TNRC18: variants seen among roughly 807,000 people sequenced by gnomAD.
TNRC18 encodes trinucleotide repeat-containing gene 18 protein.
A neutral mutation model predicts 226.7 loss-of-function variants in TNRC18; 69 were observed. That is an observed-to-expected ratio of 0.30 (90% CI 0.25 to 0.37). TNRC18 has a LOEUF of 0.37. TNRC18 is among the 10% of genes least tolerant of loss of function. The pLI is 1.00. For missense variants in TNRC18, 4,754 were observed against 4,256.6 expected (o/e 1.12, Z -3.25); for synonymous variants, 2,449 against 1,927.6 (o/e 1.27, Z -7.09).
chr7:5,423,777 C>T lies in TNRC18; in HGVS notation c.-580G>A, dbSNP rs1782704133. Among the ~76,000 whole-genome samples, 1 of 151,468 alleles carries T rather than the reference C, an allele frequency of 6.6e-6. No homozygotes were observed. The highest frequency in any genetic ancestry group is 6.6e-5 in the Admixed American group (1 of 15,244). ...AGAATCCCAAATCTCCATATACAGC[C>T]CGGGATTGGAAAAGGTACATTACAC... On this transcript the variant is annotated 5_prime_UTR_variant, in exon 1 of 30. Coordinates refer to ENST00000430969, the MANE Select transcript of TNRC18 (RefSeq NM_001080495.3).
intron 10 of TNRC18, among the ~76,000 whole-genome samples, chr7:5,372,541 C>CT (rs1409062315): frequency 6.8e-6 from 1 of 146,524 alleles, no homozygotes; most frequent in East Asian, 2.0e-4. Context: ...TCCATCTCTA[C>CT]TAAAAAAAAA....
At chr7:5,375,621 CA>C (rs1178129822) in intron 9 of TNRC18, among the ~76,000 whole-genome samples, 1 of 152,152 alleles carries the variant, frequency 6.6e-6, no homozygotes, top group Non-Finnish European at 1.5e-5. Context: ...ACCATGCCGT[CA>C]GGAGGCAGCT....
At chr7:5,348,723 C>T (rs183144069) in intron 17 of TNRC18, among the ~76,000 whole-genome samples, 2 of 152,156 alleles carry the variant, frequency 1.3e-5, no homozygotes, top group Non-Finnish European at 2.9e-5. Flanking sequence ...AGAGGGGAGA[C>T]TGGCCCCCGG....
Position 5,307,817 on chromosome 7 carries a change from C to G in TNRC18, c.*289G>C. The G allele has an allele frequency of 4.2e-6, 2 of 470,742 alleles. No homozygotes were observed. Among genetic ancestry groups the G allele is most frequent in the Non-Finnish European group, 7.8e-6 (2 of 254,876 alleles). 29.2% of individuals were successfully genotyped at this position (470,742 alleles called of 1,614,324 possible). ...GGCCGGCCTGGCCAAGTGCTTGCAA[C>G]GTGCTGGGCAGGAAGGGCCGGTCCG... On this transcript the variant is annotated 3_prime_UTR_variant, in exon 30 of 30. Transcript: ENST00000430969.
chr7:5,321,650 TATTTA>T (rs941078198), intron 21 of TNRC18, among the ~76,000 whole-genome samples: 2 of 145,622 alleles, frequency 1.4e-5, no homozygotes, highest in Non-Finnish European at 3.0e-5. Flanking sequence ...TTTATTTATT[TATTTA>T]TTTATTTATT....
At chr7:5,397,522 C>T (rs1288570914) in intron 2 of TNRC18, among the ~76,000 whole-genome samples, 2 of 152,210 alleles carry the variant, frequency 1.3e-5, no homozygotes, top group Non-Finnish European at 2.9e-5. Flanking sequence ...CAGTGCCGTT[C>T]TCAGTGCCTC....
rs150817602 is a variant in TNRC18 at position 5,352,624 on chromosome 7, G to A, written c.5195-530C>T. Among the ~76,000 whole-genome samples, 941 of 152,378 alleles carry A rather than the reference G, an allele frequency of 6.2e-3. 14 individuals carry two copies. The highest frequency in any genetic ancestry group is 0.02 in the African/African-American group (844 of 41,586). Reference sequence around the variant, plus strand: ...GTTTACACCATGGGAATGGGCAAACGCTGTTACCGCTAGCAGATCCCTTGC... The same window carrying A: ...GTTTACACCATGGGAATGGGCAAACACTGTTACCGCTAGCAGATCCCTTGC... On this transcript the variant is annotated intron_variant, in intron 16 of 29. Transcript: ENST00000430969.
In TNRC18 at chr7:5,314,973, G is replaced by C; in HGVS notation, c.7027+11C>G. The C allele has an allele frequency of 6.2e-7, 1 of 1,603,214 alleles. No individual in the cohort carries two copies. The highest frequency in any genetic ancestry group is 8.5e-7 in the Non-Finnish European group (1 of 1,176,238). On this transcript the variant is annotated intron_variant, in intron 26 of 29. Coordinates refer to ENST00000430969, the MANE Select transcript of TNRC18 (RefSeq NM_001080495.3). ...GCCCACCGCCCTGCCCTGGGGACCA[G>C]GCCAACCTACCACCCTTGGCCTTGG... is the stretch of plus-strand genomic sequence containing the variant.
At position 5,371,349 on chromosome 7, in the gene TNRC18, T is replaced by C; in HGVS notation, c.3245A>G (p.Tyr1082Cys). ...QALFSDIPPR[Y>C]PFQALPPHYG... ...GTGCGGTGGCAGGGCTTGGAACGGGTACCTGGGCGGGATATCTGCCAAGGA... is the reference window on the plus strand; with the variant it reads ...GTGCGGTGGCAGGGCTTGGAACGGGCACCTGGGCGGGATATCTGCCAAGGA... The change falls in exon 11 of 30, where the codon TAC becomes TGC. Residue 1082 changes from tyrosine (Y) to cysteine (C), a missense_variant. Coordinates refer to ENST00000430969, the MANE Select transcript of TNRC18 (RefSeq NM_001080495.3). 6.6e-7 allele frequency: 1 copy of C among 1,511,770 alleles called. No homozygotes were observed. The highest frequency in any genetic ancestry group is 8.8e-7 in the Non-Finnish European group (1 of 1,136,104). The allele number at this position is 1,511,770 out of a possible 1,614,324, so 93.6% of individuals were successfully genotyped here. A position where few individuals can be genotyped will look rare whatever the true frequency, so the allele number is the denominator to read the frequency against.
At chr7:5,373,002 T>A (rs1463991225) in intron 10 of TNRC18, among the ~76,000 whole-genome samples, 1 of 151,730 alleles carries the variant, frequency 6.6e-6, no homozygotes, top group Non-Finnish European at 1.5e-5. Flanking sequence ...CTACTAAAAA[T>A]TCAAAATTAG....
intron 3 of TNRC18, among the ~76,000 whole-genome samples, chr7:5,393,480 G>A (rs926992442): frequency 4.6e-5 from 7 of 152,198 alleles, no homozygotes; most frequent in Non-Finnish European, 8.8e-5. Context: ...TCGGGATGAC[G>A]GTCAGACCTG....
chr7:5,340,764 AG>A (rs1225940852), intron 18 of TNRC18, among the ~76,000 whole-genome samples: 1 of 151,132 alleles, frequency 6.6e-6, no homozygotes, highest in African/African-American at 2.4e-5. Flanking sequence ...AAAAAAGAAA[AG>A]GAAAGAAGCC....
chr7:5,338,919 T>C (rs1453974324), intron 18 of TNRC18, among the ~76,000 whole-genome samples: 1 of 97,062 alleles, frequency 1.0e-5, no homozygotes, highest in Non-Finnish European at 1.9e-5. Flanking sequence ...AAACTCCATC[T>C]CAAAAGGAAA....
intron 18 of TNRC18, among the ~76,000 whole-genome samples, chr7:5,339,078 A>G (rs1790407893): frequency 6.6e-6 from 1 of 151,870 alleles, no homozygotes; most frequent in South Asian, 2.1e-4. Context: ...AGCGCAGATC[A>G]CTTGAGATCA....
intron 2 of TNRC18, chr7:5,407,176 GGCTATCAGACCT>G (rs1366886779): frequency 6.6e-6 from 1 of 152,346 alleles, no homozygotes; most frequent in Non-Finnish European, 1.5e-5. Flanking sequence ...ACTGCGGCTG[GGCTATCAGACCT>G]GTGGCCACCG....
intron 5 of TNRC18, among the ~76,000 whole-genome samples, chr7:5,384,643 G>A (rs952567387): frequency 6.6e-6 from 1 of 152,150 alleles, no homozygotes; most frequent in East Asian, 1.9e-4. Context: ...GTGACGGGAG[G>A]ATCCTTCCAG....
intron 19 of TNRC18, 32 bp downstream of exon 19, chr7:5,332,590 T>G: frequency 6.6e-7 from 1 of 1,506,748 alleles, no homozygotes; most frequent in Non-Finnish European, 8.8e-7. Flanking sequence ...CAGGGACCCT[T>G]CTGCGGCACC....
chr7:5,334,401 A>C (rs557492426), intron 18 of TNRC18, among the ~76,000 whole-genome samples: 45 of 148,454 alleles, frequency 3.0e-4, no homozygotes, highest in African/African-American at 1.0e-3. Context: ...GGTTCATGCC[A>C]TTCTCCTGCC....
At chr7:5,392,140 C>T (rs1199536232) in intron 3 of TNRC18, among the ~76,000 whole-genome samples, 1 of 152,130 alleles carries the variant, frequency 6.6e-6, no homozygotes, top group Non-Finnish European at 1.5e-5. Flanking sequence ...AAAAGGGCTA[C>T]CCGATACCTG....
Sources: allele counts gnomAD v4.1 joint callset (sites outside exome capture counted in the v4.1 genomes callset), GRCh38; gene constraint gnomAD v4.1.1; transcripts MANE v1.5; gene names NCBI Gene and HGNC (gene_info 2026-07-23, HGNC 2026-07-21).